The following FAT3 variants were observed in gnomAD, a reference collection of about 807,000 sequenced individuals.
FAT3 encodes the protein protocadherin Fat 3.
In FAT3, 95 loss-of-function variants were observed where a neutral mutation model predicts 310.2. That is an observed-to-expected ratio of 0.31 (90% CI 0.26 to 0.36). FAT3 has a LOEUF of 0.36. Among genes scored for constraint, FAT3 ranks in the 10% least tolerant of loss-of-function variants. FAT3 has a pLI of 1.00. For synonymous variants in FAT3, 2,314 were observed against 2,192.9 expected, an observed-to-expected ratio of 1.06 and a Z score of -1.54; for missense variants, 5,408 against 5,715.6, an observed-to-expected ratio of 0.95 and a Z score of 1.74.
Position 92,351,325 on chromosome 11 carries a change from A to G in FAT3, c.-17-771A>G, listed in dbSNP as rs557844476. 4.6e-5 allele frequency among the ~76,000 whole-genome samples: 7 copies of G among 152,302 alleles called. No individual in the cohort carries two copies. The South Asian group carries it at 1.5e-3, about 32-fold the overall frequency. ...CACAATAAAAGATGGTAATACCTTG[A>G]AGCATTTTAAAAAGATTATAATTAT... On this transcript the variant is annotated intron_variant, in intron 1 of 27. Transcript: ENST00000525166.
In FAT3 at chr11:92,730,638, C is replaced by T. The variant is rs376861649; in HGVS notation, c.3670-31218C>T. ...GTATGTTTGCCTGCTTTTGAATTTG[C>T]GCTAGAAGAAAATTTTGCTCATCCA... On this transcript the variant is annotated intron_variant, in intron 4 of 27. Coordinates refer to ENST00000525166, the MANE Select transcript of FAT3 (RefSeq NM_001367949.2). Among the ~76,000 whole-genome samples the T allele has an allele frequency of 1.8e-4, 28 of 152,238 alleles. 1 individual carries two copies. The highest frequency in any genetic ancestry group is 9.8e-4 in the Admixed American group (15 of 15,296).
At chr11:92,771,194 C>T (rs534659608) in intron 6 of FAT3, among the ~76,000 whole-genome samples, 2 of 152,266 alleles carry the variant, frequency 1.3e-5, no homozygotes, top group East Asian at 1.9e-4. Context: ...CTGCACTGAA[C>T]ACACTCTGGC....
At chr11:92,285,061 G>T (rs1464537339) in intron 1 of FAT3, among the ~76,000 whole-genome samples, 1 of 152,132 alleles carries the variant, frequency 6.6e-6, no homozygotes, top group Non-Finnish European at 1.5e-5. Context: ...TGAGAGGTGA[G>T]TGGAAACACA....
chr11:92,558,423 TATGCAC>T (rs1955098938), intron 3 of FAT3, among the ~76,000 whole-genome samples: 1 of 151,450 alleles, frequency 6.6e-6, no homozygotes, highest in African/African-American at 2.4e-5. Flanking sequence ...TGTGTGTGTG[TATGCAC>T]GTGTGTGTTT....
rs1222582089 is a variant in FAT3, at chr11:92,306,528, T to C, written c.-17-45568T>C. Among the ~76,000 whole-genome samples the C allele has an allele frequency of 5.4e-5, 7 of 129,662 alleles. No homozygotes were observed. The East Asian group carries it at 1.4e-3, about 26-fold the overall frequency. The allele number at this position is 129,662 out of a possible 152,430, so 85.1% of individuals were successfully genotyped here. Reference sequence around the variant, plus strand: ...GTTATATATATTTATATTATATATGTTATATATATTTATATTATATATGTT... The same window carrying C: ...GTTATATATATTTATATTATATATGCTATATATATTTATATTATATATGTT... On this transcript the variant is annotated intron_variant, in intron 1 of 27. Coordinates refer to ENST00000525166, the MANE Select transcript of FAT3 (RefSeq NM_001367949.2).
At chr11:92,704,357 TG>T (rs1471141740) in intron 4 of FAT3, among the ~76,000 whole-genome samples, 1 of 152,194 alleles carries the variant, frequency 6.6e-6, no homozygotes, top group Non-Finnish European at 1.5e-5. Context: ...TGTGTCCACA[TG>T]GTGGGTACCA....
chr11:92,702,581 C>T (rs547842796), intron 4 of FAT3, among the ~76,000 whole-genome samples: 2 of 152,280 alleles, frequency 1.3e-5, no homozygotes, highest in South Asian at 4.1e-4. Flanking sequence ...CCATCTACTT[C>T]CTCCTCCCCT....
chr11:92,436,252 A>G (rs1358369697), intron 2 of FAT3, among the ~76,000 whole-genome samples: 1 of 152,016 alleles, frequency 6.6e-6, no homozygotes, highest in Admixed American at 6.6e-5. Flanking sequence ...CAGTACTCCC[A>G]CGTCAGCCTC....
rs2136447568 is a variant in FAT3 at position 92,890,856 on chromosome 11, T to A, written c.13513T>A (p.Leu4505Met). 6.2e-7 allele frequency: 1 copy of A among 1,613,174 alleles called. No individual in the cohort carries two copies. The highest frequency in any genetic ancestry group is 1.1e-5 in the South Asian group (1 of 91,026). ...PPHPFPNETD[L>M]VGPPASCEFS... ...TCACCCATTCCCCAACGAAACGGAT[T>A]TGGTGGGCCCGCCTGCCAGCTGTGA... Residue 4505 changes from leucine (L) to methionine (M), a missense_variant, in exon 28 of 28, where the codon TTG (leucine) becomes ATG (methionine). By Grantham distance (15) the Leu-to-Met change is conservative. Transcript: ENST00000525166.
chr11:92,409,803 T>C lies in FAT3; in HGVS notation c.3292+54399T>C, dbSNP rs142929880. ...AGTTGTTTCTTGTTGTTCCTAGAAGTGAACTTGTAGATTTATTTTTCTTTT... is the reference window on the plus strand; with the variant it reads ...AGTTGTTTCTTGTTGTTCCTAGAAGCGAACTTGTAGATTTATTTTTCTTTT... On this transcript the variant is annotated intron_variant, in intron 2 of 27. Transcript: ENST00000525166. 1.1e-3 allele frequency among the ~76,000 whole-genome samples: 169 copies of C among 152,304 alleles called. 1 individual carries two copies. The highest frequency in any genetic ancestry group is 1.9e-3 in the Non-Finnish European group (132 of 68,030).
chr11:92,867,397 G>A (rs1388582984), intron 22 of FAT3, among the ~76,000 whole-genome samples, 188 bp downstream of exon 22: 2 of 152,192 alleles, frequency 1.3e-5, no homozygotes, highest in Non-Finnish European at 2.9e-5. Flanking sequence ...GGAGTGTCCA[G>A]TTTTGCCAAT....
At chr11:92,753,128 C>G (rs1253888659) in intron 4 of FAT3, among the ~76,000 whole-genome samples, 1 of 152,128 alleles carries the variant, frequency 6.6e-6, no homozygotes, top group Non-Finnish European at 1.5e-5. Flanking sequence ...GACTCTTGGT[C>G]AGTAGAATGT....
At chr11:92,355,540 G>C (rs894944586) in intron 2 of FAT3, 136 bp downstream of exon 2, 2 of 799,948 alleles carry the variant, frequency 2.5e-6, no homozygotes, top group Middle Eastern at 6.1e-4. Flanking sequence ...GACGCACATA[G>C]ATGCTTTTTC....
chr11:92,420,755 A>T (rs542626421), intron 2 of FAT3, among the ~76,000 whole-genome samples: 1 of 152,300 alleles, frequency 6.6e-6, no homozygotes, highest in South Asian at 2.1e-4. Context: ...TGCACTTACA[A>T]ACCCAGCTGG....
intron 3 of FAT3, among the ~76,000 whole-genome samples, chr11:92,602,444 C>G (rs2135592176): frequency 6.6e-6 from 1 of 152,242 alleles, no homozygotes; most frequent in Non-Finnish European, 1.5e-5. Context: ...CCCAATTTTG[C>G]TGATGGGGAG....
intron 2 of FAT3, among the ~76,000 whole-genome samples, chr11:92,487,561 A>G (rs1435547684): frequency 6.6e-6 from 1 of 152,166 alleles, no homozygotes; most frequent in Non-Finnish European, 1.5e-5. Flanking sequence ...AACTCTCGCA[A>G]CAACCCTAAA....
chr11:92,554,849 G>T (rs1185219670), intron 3 of FAT3, among the ~76,000 whole-genome samples: 1 of 152,194 alleles, frequency 6.6e-6, no homozygotes, highest in African/African-American at 2.4e-5. Flanking sequence ...CACTACAGAA[G>T]TGTGAAGCAT....
intron 1 of FAT3, among the ~76,000 whole-genome samples, chr11:92,263,055 T>A (rs1865623280): frequency 6.6e-6 from 1 of 152,030 alleles, no homozygotes; most frequent in Admixed American, 6.6e-5. Context: ...TTCTAATAAA[T>A]GACATGTTGA....
intron 3 of FAT3, among the ~76,000 whole-genome samples, chr11:92,630,050 A>G (rs1260437952): frequency 1.3e-5 from 2 of 151,996 alleles, no homozygotes; most frequent in Admixed American, 6.6e-5. Context: ...AATTCCTCTC[A>G]TCTTAATCAC....
Sources: allele counts gnomAD v4.1 joint callset (sites outside exome capture counted in the v4.1 genomes callset), GRCh38; gene constraint gnomAD v4.1.1; transcripts MANE v1.5; gene names NCBI Gene and HGNC (gene_info 2026-07-23, HGNC 2026-07-21).